PTPRD: variants seen among roughly 807,000 people sequenced by gnomAD.
PTPRD encodes the protein receptor-type tyrosine-protein phosphatase delta.
A neutral mutation model predicts 214.5 loss-of-function variants in PTPRD; 34 were observed. The observed-to-expected ratio is 0.16, with a 90% CI of 0.12 to 0.21. PTPRD has a LOEUF of 0.21. Among genes scored for constraint, PTPRD ranks in the 10% least tolerant of loss-of-function variants. PTPRD has a pLI of 1.00. For missense variants in PTPRD, 2,545 were observed against 2,398.7 expected, an observed-to-expected ratio of 1.06 and a Z score of -1.27; for synonymous variants, 1,128 against 845.7, an observed-to-expected ratio of 1.33 and a Z score of -5.79.
At chr9:9,290,254 C>T (rs542342133) in intron 9 of PTPRD, among the ~76,000 whole-genome samples, 34 of 151,788 alleles carry the variant, frequency 2.2e-4, no homozygotes, top group South Asian at 1.0e-3. Flanking sequence ...ATTTGTATGT[C>T]TTCCTTTGAA....
intron 10 of PTPRD, among the ~76,000 whole-genome samples, chr9:9,046,858 A>T (rs2099673443): frequency 6.6e-6 from 1 of 152,132 alleles, no homozygotes; most frequent in South Asian, 2.1e-4. Flanking sequence ...GATCTGTAAC[A>T]TGACAAGGAT....
At chr9:10,176,785 G>GAA (rs1269334935) in intron 3 of PTPRD, among the ~76,000 whole-genome samples, 1 of 151,896 alleles carries the variant, frequency 6.6e-6, no homozygotes, top group Non-Finnish European at 1.5e-5. Context: ...TTCCAAAGAA[G>GAA]AAAAACTGTG....
intron 11 of PTPRD, among the ~76,000 whole-genome samples, chr9:8,775,563 T>A (rs1193924912): frequency 1.5e-5 from 2 of 131,008 alleles, no homozygotes; most frequent in African/African-American, 5.8e-5. Flanking sequence ...GTACTTTCTA[T>A]TATCTCAAAT....
chr9:8,938,185 G>A (rs1037272321), intron 11 of PTPRD, among the ~76,000 whole-genome samples: 1 of 152,032 alleles, frequency 6.6e-6, no homozygotes, highest in African/African-American at 2.4e-5. Context: ...TGAAGTATGT[G>A]GATGGTAGAG....
At chr9:8,654,053 A>C (rs192506703) in intron 12 of PTPRD, among the ~76,000 whole-genome samples, 1 of 152,290 alleles carries the variant, frequency 6.6e-6, no homozygotes, top group African/African-American at 2.4e-5. Flanking sequence ...GTGCATTGCA[A>C]GAGATTGAGC....
rs181063628 is a variant in PTPRD at position 10,302,633 on chromosome 9, A to G, written c.-545+38330T>C. ...ACAATCGTAGTCTCTGATAAAACAGACTTTAAAACAACAAAGATCAAAAGA... is the reference window on the plus strand; with the variant it reads ...ACAATCGTAGTCTCTGATAAAACAGGCTTTAAAACAACAAAGATCAAAAGA... On this transcript the variant is annotated intron_variant, in intron 3 of 45. Transcript: ENST00000381196. Among the ~76,000 whole-genome samples, 250 of 152,314 alleles carry G rather than the reference A, an allele frequency of 1.6e-3. 4 individuals carry two copies. Among genetic ancestry groups the G allele is most frequent in the African/African-American group, 5.6e-3 (234 of 41,568 alleles).
At chr9:8,479,890 T>G (rs2096844438) in intron 30 of PTPRD, among the ~76,000 whole-genome samples, 1 of 152,134 alleles carries the variant, frequency 6.6e-6, no homozygotes, top group Non-Finnish European at 1.5e-5. Context: ...ATTTGTAACT[T>G]TTTCACCTTT....
At chr9:9,876,293 C>A (rs573612843) in intron 5 of PTPRD, among the ~76,000 whole-genome samples, 2 of 152,156 alleles carry the variant, frequency 1.3e-5, no homozygotes, top group Middle Eastern at 3.4e-3. Context: ...AATAAAGAAT[C>A]CTACTAAATG....
chr9:9,467,783 T>C (rs937869304), intron 8 of PTPRD, among the ~76,000 whole-genome samples: 6 of 152,098 alleles, frequency 3.9e-5, no homozygotes, highest in South Asian at 2.1e-4. Flanking sequence ...AATCACATAG[T>C]ATATTTTTCC....
chr9:8,944,414 A>C (rs2099051713), intron 11 of PTPRD, among the ~76,000 whole-genome samples: 1 of 152,152 alleles, frequency 6.6e-6, no homozygotes, highest in Non-Finnish European at 1.5e-5. Context: ...TATACTCCAA[A>C]GAAAGGAAAT....
intron 2 of PTPRD, among the ~76,000 whole-genome samples, chr9:10,591,209 A>C (rs914573085): frequency 6.6e-6 from 1 of 150,928 alleles, no homozygotes; most frequent in Non-Finnish European, 1.5e-5. Context: ...ATTTCTTTCT[A>C]TTGCTTGTGC....
At chr9:10,420,555 C>CGG (rs138352825) in intron 2 of PTPRD, among the ~76,000 whole-genome samples, 2 of 151,506 alleles carry the variant, frequency 1.3e-5, no homozygotes, top group African/African-American at 4.8e-5. Flanking sequence ...GTACAAACGA[C>CGG]GGGGGGGCTG....
At chr9:9,618,337 C>T (rs1434318657) in intron 7 of PTPRD, among the ~76,000 whole-genome samples, 1 of 151,508 alleles carries the variant, frequency 6.6e-6, no homozygotes, top group Non-Finnish European at 1.5e-5. Context: ...TTACTCAAGT[C>T]ATTAGAGACT....
chr9:8,896,888 A>G (rs367628138), intron 11 of PTPRD, among the ~76,000 whole-genome samples: 2 of 152,324 alleles, frequency 1.3e-5, no homozygotes, highest in South Asian at 4.1e-4. Context: ...AAATTGGTAA[A>G]AATAAAAGCA....
At chr9:9,964,110 A>G (rs909164473) in intron 4 of PTPRD, among the ~76,000 whole-genome samples, 3 of 152,146 alleles carry the variant, frequency 2.0e-5, no homozygotes, top group African/African-American at 7.2e-5. Context: ...ACAGAGACAG[A>G]GAGAGACAGA....
At position 8,947,289 on chromosome 9, in the gene PTPRD, C is replaced by T. The variant is rs570839362; in HGVS notation, c.-104+71408G>A. On this transcript the variant is annotated intron_variant, in intron 11 of 45. Coordinates refer to ENST00000381196, the MANE Select transcript of PTPRD (RefSeq NM_002839.4). ...CCATCCTGGCTAACATGGTGAAAAC[C>T]TGTCTCTACTAAAAATACAAAAAGT... Among the ~76,000 whole-genome samples, 52 of 151,588 alleles carry T rather than the reference C, an allele frequency of 3.4e-4. 1 individual carries two copies. The highest frequency in any genetic ancestry group is 1.7e-3 in the South Asian group (8 of 4,792).
At chr9:10,511,333 G>C (rs1566633869) in intron 2 of PTPRD, among the ~76,000 whole-genome samples, 1 of 152,052 alleles carries the variant, frequency 6.6e-6, no homozygotes, top group East Asian at 1.9e-4. Flanking sequence ...AATGTTACTA[G>C]AAACTGCCAA....
intron 10 of PTPRD, among the ~76,000 whole-genome samples, chr9:9,067,296 AT>A (rs1414605548): frequency 1.3e-5 from 2 of 152,196 alleles, no homozygotes; most frequent in Non-Finnish European, 2.9e-5. Flanking sequence ...TTTCAACTGT[AT>A]TTTTGTGTTT....
At chr9:10,196,629 T>C (rs1261787604) in intron 3 of PTPRD, among the ~76,000 whole-genome samples, 2 of 152,080 alleles carry the variant, frequency 1.3e-5, no homozygotes, top group Non-Finnish European at 2.9e-5. Flanking sequence ...CAAGGGAAAA[T>C]TCATATGAAA....
Sources: allele counts gnomAD v4.1 joint callset (sites outside exome capture counted in the v4.1 genomes callset), GRCh38; gene constraint gnomAD v4.1.1; transcripts MANE v1.5; gene names NCBI Gene and HGNC (gene_info 2026-07-23, HGNC 2026-07-21).